The following SUGCT variants were observed in gnomAD, a reference collection of about 807,000 sequenced individuals.
SUGCT encodes the protein succinyl-CoA:glutarate CoA-transferase.
A neutral mutation model predicts 55.0 loss-of-function variants in SUGCT; 41 were observed. That is an observed-to-expected ratio of 0.74 (90% CI 0.58 to 0.97). The LOEUF is 0.97. Ranked by LOEUF, SUGCT falls within the 50% of genes least tolerant of loss-of-function variation. The pLI is 0.00. For synonymous variants in SUGCT, 187 were observed against 200.4 expected (o/e 0.93, Z 0.56); for missense variants, 568 against 547.8 (o/e 1.04, Z -0.37).
the SUGCT span, among the ~76,000 whole-genome samples, chr7:40,961,268 A>G: frequency 6.6e-6 from 1 of 152,180 alleles, no homozygotes. Flanking sequence ...GGCCCTTTCT[A>G]AGGGAAGGCT....
chr7:40,268,397 T>A (rs1164182543), intron 7 of SUGCT, among the ~76,000 whole-genome samples: 2 of 152,266 alleles, frequency 1.3e-5, no homozygotes, highest in Non-Finnish European at 2.9e-5. Flanking sequence ...TAATATTTGT[T>A]AAAGTGCTTC....
At chr7:40,449,422 C>A in intron 10 of SUGCT, 64 bp downstream of exon 10, 1 of 1,333,022 alleles carries the variant, frequency 7.5e-7, no homozygotes, top group South Asian at 1.2e-5. Flanking sequence ...TTCAGTTTTG[C>A]CCAGGTCACA....
Position 40,237,171 on chromosome 7 carries a change from C to T in SUGCT, c.485-464C>T, listed in dbSNP as rs559388914. Among the ~76,000 whole-genome samples, 10 of 151,222 alleles carry T rather than the reference C, an allele frequency of 6.6e-5. No individual in the cohort carries two copies. The South Asian group carries it at 8.5e-4, about 13-fold the overall frequency. On this transcript the variant is annotated intron_variant, in intron 6 of 13. Transcript: ENST00000335693. ...AAGAATAGCCAGGGTAGGCCAGGCG[C>T]GGTGGCTCATGCCTGTAATCCTAGC...
chr7:40,826,374 G>A (rs1000895642), intron 13 of SUGCT, among the ~76,000 whole-genome samples: 1 of 152,012 alleles, frequency 6.6e-6, no homozygotes, highest in East Asian at 1.9e-4. Flanking sequence ...TTGCAAACAT[G>A]CTATACACCT....
chr7:40,530,710 C>T (rs1361269646), intron 12 of SUGCT, among the ~76,000 whole-genome samples: 1 of 152,214 alleles, frequency 6.6e-6, no homozygotes, highest in Non-Finnish European at 1.5e-5. Context: ...CAAATGAAGT[C>T]ACATCATTGT....
At chr7:40,477,444 G>A (rs912183770) in intron 11 of SUGCT, among the ~76,000 whole-genome samples, 1 of 152,068 alleles carries the variant, frequency 6.6e-6, no homozygotes, top group Non-Finnish European at 1.5e-5. Flanking sequence ...ATGCAAAAGC[G>A]GGTTGGATTA....
chr7:40,160,390 G>A (rs1366115762), intron 1 of SUGCT, among the ~76,000 whole-genome samples: 3 of 151,898 alleles, frequency 2.0e-5, no homozygotes, highest in East Asian at 1.9e-4. Context: ...CACCATGCCC[G>A]GCTAATTTTT....
chr7:40,447,200 T>C (rs996277841), intron 9 of SUGCT, among the ~76,000 whole-genome samples: 1 of 152,210 alleles, frequency 6.6e-6, no homozygotes, highest in Non-Finnish European at 1.5e-5. Flanking sequence ...ATAAATAGAA[T>C]CACAATATTT....
At chr7:40,192,567 T>C (rs1166898292) in intron 5 of SUGCT, among the ~76,000 whole-genome samples, 2 of 151,998 alleles carry the variant, frequency 1.3e-5, no homozygotes, top group African/African-American at 2.4e-5. Flanking sequence ...ATTTATCCTA[T>C]GCCTAGATGA....
At chr7:40,178,324 G>A (rs1007259508) in intron 1 of SUGCT, among the ~76,000 whole-genome samples, 1 of 152,098 alleles carries the variant, frequency 6.6e-6, no homozygotes, top group Non-Finnish European at 1.5e-5. Context: ...TGGATCTAGA[G>A]TCTTCCTTAT....
intron 5 of SUGCT, among the ~76,000 whole-genome samples, chr7:40,193,280 G>GGTTTTT (rs1554286577): frequency 3.4e-5 from 3 of 87,144 alleles, no homozygotes; most frequent in African/African-American, 9.5e-5. Flanking sequence ...CAATTACTGT[G>GGTTTTT]TTTTTTTTTT....
At chr7:40,856,811 T>G (rs2128805968) in intron 13 of SUGCT, among the ~76,000 whole-genome samples, 1 of 152,196 alleles carries the variant, frequency 6.6e-6, no homozygotes, top group South Asian at 2.1e-4. Flanking sequence ...GTTGACAAAT[T>G]TTTCCTCCAG....
chr7:40,547,891 ATTGT>A (rs1301256408), intron 12 of SUGCT, among the ~76,000 whole-genome samples: 2 of 152,116 alleles, frequency 1.3e-5, no homozygotes, highest in African/African-American at 4.8e-5. Flanking sequence ...GAATATCAAG[ATTGT>A]TTGTAATTTA....
At chr7:40,507,310 A>T (rs752887575) in intron 12 of SUGCT, among the ~76,000 whole-genome samples, 1 of 152,030 alleles carries the variant, frequency 6.6e-6, no homozygotes, top group Non-Finnish European at 1.5e-5. Context: ...AGTCTTTCCA[A>T]TTGTTTTTAT....
intron 9 of SUGCT, among the ~76,000 whole-genome samples, chr7:40,419,878 G>A (rs1787214160): frequency 6.6e-6 from 1 of 152,204 alleles, no homozygotes; most frequent in Admixed American, 6.5e-5. Context: ...ACTGTGCTAA[G>A]CAGCTTGCAT....
chr7:40,243,407 T>C (rs759363664), intron 7 of SUGCT, among the ~76,000 whole-genome samples: 22 of 152,046 alleles, frequency 1.4e-4, no homozygotes, highest in Non-Finnish European at 2.8e-4. Context: ...TAGATGTATA[T>C]GCATGGAAAA....
At chr7:40,708,821 T>C (rs566053228) in intron 12 of SUGCT, among the ~76,000 whole-genome samples, 2 of 152,220 alleles carry the variant, frequency 1.3e-5, no homozygotes, top group Admixed American at 6.5e-5. Flanking sequence ...TCCCTTCCGC[T>C]TCTTTCTTCT....
chr7:40,585,546 T>C (rs1797329295), intron 12 of SUGCT, among the ~76,000 whole-genome samples: 1 of 152,192 alleles, frequency 6.6e-6, no homozygotes, highest in Admixed American at 6.6e-5. Context: ...ACAATTACTT[T>C]ATTTTTTGTA....
chr7:40,422,749 A>G (rs1787379698), intron 9 of SUGCT, among the ~76,000 whole-genome samples: 1 of 151,406 alleles, frequency 6.6e-6, no homozygotes, highest in African/African-American at 2.4e-5. Flanking sequence ...TGTAATAGCC[A>G]TGTAATTACT....
Sources: gnomAD v4.1 joint callset for allele counts (sites outside exome capture counted in the v4.1 genomes callset) on GRCh38, gnomAD v4.1.1 for gene constraint, MANE v1.5 for transcripts, NCBI Gene and HGNC (gene_info 2026-07-23, HGNC 2026-07-21) for gene names.